The following SLC6A5 variants were observed in gnomAD, a reference collection of about 807,000 sequenced individuals.
The protein encoded by SLC6A5 is solute carrier family 6 member 5, also known as sodium- and chloride-dependent glycine transporter 2.
SLC6A5 carries 58 observed loss-of-function variants against 90.5 expected under a neutral mutation model. The ratio of observed to expected loss-of-function variants is 0.64; its 90% CI spans 0.52 to 0.80. The LOEUF is 0.80. Ranked by LOEUF, SLC6A5 falls within the 30% of genes least tolerant of loss-of-function variation. The pLI is 0.00. For missense variants in SLC6A5, 1,015 were observed against 1,017.6 expected, an observed-to-expected ratio of 1.00 and a Z score of 0.03; for synonymous variants, 427 against 401.4, an observed-to-expected ratio of 1.06 and a Z score of -0.76.
rs556935999 is a variant in SLC6A5 at position 20,631,461 on chromosome 11, C to T, written c.1624+646C>T. Among the ~76,000 whole-genome samples, 17 of 152,302 alleles carry T rather than the reference C, an allele frequency of 1.1e-4. No homozygotes were observed. In the South Asian group the frequency reaches 3.3e-3, roughly 30 times the overall value. Reference sequence around the variant, plus strand: ...ATTAATGGCTAACATTTGTATGGTGCTTTCAAGTTGACAAAGAGCTTTCAT... The same window carrying T: ...ATTAATGGCTAACATTTGTATGGTGTTTTCAAGTTGACAAAGAGCTTTCAT... On this transcript the variant is annotated intron_variant, in intron 10 of 15. Transcript: ENST00000525748.
chr11:20,645,730 C>T (rs1853401164), intron 13 of SLC6A5, among the ~76,000 whole-genome samples: 1 of 147,920 alleles, frequency 6.8e-6, no homozygotes. Flanking sequence ...GCTCTGCCTC[C>T]TTGTTTCACA....
intron 13 of SLC6A5, among the ~76,000 whole-genome samples, chr11:20,642,345 T>C (rs909971057): frequency 1.3e-4 from 20 of 152,044 alleles, no homozygotes; most frequent in Admixed American, 2.6e-4. Flanking sequence ...ATTGACTGGT[T>C]GAAGCAACTC....
At chr11:20,617,725 C>G in intron 6 of SLC6A5, 27 bp from the exon 7 acceptor site, 1 of 1,604,740 alleles carries the variant, frequency 6.2e-7, no homozygotes, top group South Asian at 1.1e-5. Flanking sequence ...TTCTATCACT[C>G]CCCCCATCCC....
At chr11:20,624,142 A>T (rs1852944629) in intron 7 of SLC6A5, among the ~76,000 whole-genome samples, 1 of 149,340 alleles carries the variant, frequency 6.7e-6, no homozygotes, top group African/African-American at 2.4e-5. Flanking sequence ...AGGGTTTTAT[A>T]TATATATATT....
In SLC6A5 at chr11:20,658,741, T is replaced by C. The variant is rs1423554247; in HGVS notation, c.*3873T>C. On this transcript the variant is annotated 3_prime_UTR_variant, in exon 16 of 16. Transcript: ENST00000525748. ...CACCTCTGAAAAGCAAGCAGTGGTT[T>C]GACTTGCCTGCCACGGATTAAATAC... 1 of 152,196 alleles carries C rather than the reference T, an allele frequency of 6.6e-6. No individual in the cohort carries two copies. The highest frequency in any genetic ancestry group is 1.5e-5 in the Non-Finnish European group (1 of 68,020). 9.4% of individuals were successfully genotyped at this position (152,196 alleles called of 1,614,324 possible). A position where few individuals can be genotyped will look rare whatever the true frequency, so the allele number is the denominator to read the frequency against.
rs756674127 is a variant in SLC6A5 at position 20,601,593 on chromosome 11, G to C, written c.468G>C (p.Gln156His). Residue 156 changes from glutamine to histidine, a missense_variant, in exon 2 of 16, where the codon CAG (glutamine) becomes CAC (histidine). Around this residue, in one of 3 missense-constraint regions of SLC6A5, gnomAD observed 567 missense variants for 507.3 expected, o/e 1.12. Coordinates refer to ENST00000525748, the MANE Select transcript of SLC6A5 (RefSeq NM_004211.5). ...TTGTGGGCTGGGTGAACATGAGCCA[G>C]AGCACCGTGGTGCTGGCCACGGATG... ...TPVVGWVNMSQSTVVLATDGI... is the reference protein window; with the variant it reads ...TPVVGWVNMSHSTVVLATDGI... 5.6e-6 allele frequency: 9 copies of C among 1,614,148 alleles called. No individual in the cohort carries two copies. In the Admixed American group the frequency reaches 1.0e-4, roughly 18 times the overall value.
chr11:20,625,580 G>T (rs1477520297), intron 7 of SLC6A5, among the ~76,000 whole-genome samples: 1 of 152,090 alleles, frequency 6.6e-6, no homozygotes, highest in South Asian at 2.1e-4. Flanking sequence ...GTTTCTTGAC[G>T]CTGGTCCCTC....
intron 10 of SLC6A5, among the ~76,000 whole-genome samples, chr11:20,631,437 T>A (rs189139261): frequency 2.0e-4 from 30 of 152,350 alleles, no homozygotes; most frequent in African/African-American, 7.2e-4. Context: ...GATCTTTTTA[T>A]TAATGGCTAA....
intron 5 of SLC6A5, among the ~76,000 whole-genome samples, chr11:20,613,652 C>CTTT (rs3045403): frequency 1.6e-5 from 2 of 126,380 alleles, no homozygotes; most frequent in Admixed American, 8.4e-5. Flanking sequence ...CTAAATAATT[C>CTTT]TTTTTTTTTT....
intron 11 of SLC6A5, among the ~76,000 whole-genome samples, chr11:20,636,677 A>C (rs1223925198): frequency 1.3e-5 from 2 of 152,084 alleles, no homozygotes; most frequent in Non-Finnish European, 2.9e-5. Context: ...TAGCCTGTGT[A>C]TCTCCTGCCT....
At chr11:20,628,159 G>A in intron 9 of SLC6A5, 76 bp downstream of exon 9, 1 of 1,170,472 alleles carries the variant, frequency 8.5e-7, no homozygotes, top group Non-Finnish European at 1.3e-6. Context: ...TCAGACACCT[G>A]AGGCCACATC....
At chr11:20,643,702 G>C (rs565066071) in intron 13 of SLC6A5, among the ~76,000 whole-genome samples, 17 of 152,198 alleles carry the variant, frequency 1.1e-4, no homozygotes, top group Non-Finnish European at 2.1e-4. Flanking sequence ...CCTTAAAGTA[G>C]AGCAGGAAGC....
At chr11:20,605,261 G>A (rs1435191229) in intron 3 of SLC6A5, among the ~76,000 whole-genome samples, 1 of 152,158 alleles carries the variant, frequency 6.6e-6, no homozygotes, top group Non-Finnish European at 1.5e-5. Flanking sequence ...GACAAGCAAT[G>A]CACTGCTTCA....
chr11:20,625,448 G>A (rs1852975121), intron 7 of SLC6A5, among the ~76,000 whole-genome samples: 1 of 152,106 alleles, frequency 6.6e-6, no homozygotes, highest in South Asian at 2.1e-4. Context: ...TTTTAGTAGA[G>A]ATGGGGTTTT....
intron 1 of SLC6A5, among the ~76,000 whole-genome samples, 189 bp downstream of exon 1, chr11:20,599,864 T>A (rs971732439): frequency 1.5e-4 from 23 of 152,132 alleles, no homozygotes; most frequent in African/African-American, 4.3e-4. Flanking sequence ...CAAAGAGGTT[T>A]CCTAGGCTGT....
rs564193212 is a variant in SLC6A5 at position 20,637,115 on chromosome 11, G to A, written c.1738-57G>A. On this transcript the variant is annotated intron_variant, in intron 11 of 15. Transcript: ENST00000525748. ...GGATGGGACATACAAAGGGCTTGGG[G>A]GTACCTCCTGGGTGGTACAATTTGA... 7.0e-6 allele frequency: 11 copies of A among 1,575,518 alleles called. No homozygotes were observed. In the East Asian group the frequency reaches 2.0e-4, roughly 29 times the overall value.
At chr11:20,639,103 ACAATAGCAACCGG>A (rs1158457019) in intron 13 of SLC6A5, among the ~76,000 whole-genome samples, 3 of 152,146 alleles carry the variant, frequency 2.0e-5, no homozygotes, top group Non-Finnish European at 4.4e-5. Context: ...TCCTACTGTC[ACAATAGCAACCGG>A]CATGCCATAT....
At chr11:20,649,367 A>G (rs1853480596) in intron 14 of SLC6A5, among the ~76,000 whole-genome samples, 1 of 152,158 alleles carries the variant, frequency 6.6e-6, no homozygotes, top group Admixed American at 6.5e-5. Flanking sequence ...CTGCCATCAC[A>G]AAAAGGTCAG....
intron 14 of SLC6A5, among the ~76,000 whole-genome samples, chr11:20,647,624 C>T (rs1443749187): frequency 6.6e-6 from 1 of 151,980 alleles, no homozygotes; most frequent in African/African-American, 2.4e-5. Flanking sequence ...GTTCACAGTG[C>T]TTCCTATGTA....
Sources: allele counts gnomAD v4.1 joint callset (sites outside exome capture counted in the v4.1 genomes callset), GRCh38; gene constraint gnomAD v4.1.1; regional missense constraint gnomAD v4.1.1; transcripts MANE v1.5; gene names NCBI Gene and HGNC (gene_info 2026-07-23, HGNC 2026-07-21).